Variants in MTMR9 observed in about 807,000 individuals in gnomAD.
The protein encoded by MTMR9 is myotubularin related protein 9.
MTMR9 carries 39 observed loss-of-function variants against 69.5 expected under a neutral mutation model. The ratio of observed to expected loss-of-function variants is 0.56; its 90% CI spans 0.43 to 0.73. MTMR9 has a LOEUF of 0.73. Among genes scored for constraint, MTMR9 ranks in the 30% least tolerant of loss-of-function variants. The probability of loss-of-function intolerance (pLI) is 0.00; values close to 1 mark genes in which losing one functional copy is unlikely to be tolerated. For missense variants in MTMR9, 900 were observed against 671.2 expected (o/e 1.34, Z -3.77); for synonymous variants, 354 against 240.8 (o/e 1.47, Z -4.35).
At chr8:11,329,463 G>A (rs944154207), downstream of MTMR9, among the ~76,000 whole-genome samples, 8 of 152,212 alleles carry the variant, frequency 5.3e-5, no homozygotes, top group South Asian at 2.1e-4. Flanking sequence ...GCAGGCTCGC[G>A]CCGCCACGCC....
chr8:11,296,533 C>T (rs1314434139), intron 2 of MTMR9, among the ~76,000 whole-genome samples: 1 of 152,166 alleles, frequency 6.6e-6, no homozygotes, highest in Non-Finnish European at 1.5e-5. Flanking sequence ...TAAACAACAC[C>T]CCATTTTCCC....
At chr8:11,292,225 A>G (rs1367804099) in intron 1 of MTMR9, among the ~76,000 whole-genome samples, 1 of 152,178 alleles carries the variant, frequency 6.6e-6, no homozygotes, top group Non-Finnish European at 1.5e-5. Context: ...TAGTTCATTT[A>G]TTCACCTGGT....
In MTMR9 at chr8:11,323,555, A is replaced by G. The variant is rs1800787756; in HGVS notation, c.*767A>G. On this transcript the variant is annotated 3_prime_UTR_variant, in exon 10 of 10. Transcript: ENST00000221086. Reference sequence around the variant, plus strand: ...GTGAATTGGTTTTCAGGTTTTGAGCATACATATACAATGTGTTTCAAATGC... The same window carrying G: ...GTGAATTGGTTTTCAGGTTTTGAGCGTACATATACAATGTGTTTCAAATGC... The G allele has an allele frequency of 6.6e-6, 1 of 152,258 alleles. No individual in the cohort carries two copies. The allele number at this position is 152,258 out of a possible 1,614,324, so 9.4% of individuals were successfully genotyped here.
rs745974587 is a variant in MTMR9, at chr8:11,284,874, C to A, written c.-15C>A. Reference sequence around the variant, plus strand: ...CCTACCGGGCTCGGTTCCCTGGCTCCGGCCGCGGGGGAGCATGGAGTTTGC... The same window carrying A: ...CCTACCGGGCTCGGTTCCCTGGCTCAGGCCGCGGGGGAGCATGGAGTTTGC... On this transcript the variant is annotated 5_prime_UTR_variant, in exon 1 of 10. Transcript: ENST00000221086. 2 of 1,520,758 alleles carry A rather than the reference C, an allele frequency of 1.3e-6. No homozygotes were observed. 94.2% of individuals were successfully genotyped at this position (1,520,758 alleles called of 1,614,324 possible).
intron 5 of MTMR9, among the ~76,000 whole-genome samples, chr8:11,308,761 C>T (rs781643683): frequency 1.3e-5 from 2 of 152,150 alleles, no homozygotes; most frequent in Admixed American, 6.5e-5. Flanking sequence ...AAAGAACCTT[C>T]AGCTAAAGGT....
intron 6 of MTMR9, among the ~76,000 whole-genome samples, chr8:11,313,693 G>T (rs1473230754): frequency 6.6e-6 from 1 of 152,184 alleles, no homozygotes; most frequent in East Asian, 1.9e-4. Context: ...CTGGTTAGTG[G>T]AGCAGTGAGA....
intron 1 of MTMR9, among the ~76,000 whole-genome samples, chr8:11,286,084 C>T (rs2117338079): frequency 1.3e-5 from 2 of 151,204 alleles, no homozygotes; most frequent in Middle Eastern, 6.8e-3. Context: ...TCCCGAGTAG[C>T]TGGGATTACA....
At position 11,324,769 on chromosome 8, in the gene MTMR9, A is replaced by T. The variant is rs1443556654; in HGVS notation, c.*1981A>T. On this transcript the variant is annotated 3_prime_UTR_variant, in exon 10 of 10. Coordinates refer to ENST00000221086, the MANE Select transcript of MTMR9 (RefSeq NM_015458.4). ...CCACTAGGAAAGCTGAGGCAGAAGG[A>T]TCCCTTGAGCCTAGGAGGTTGAGGC... is the stretch of plus-strand genomic sequence containing the variant. 6.6e-6 allele frequency: 1 copy of T among 152,306 alleles called. No individual in the cohort carries two copies. Among genetic ancestry groups the T allele is most frequent in the Non-Finnish European group, 1.5e-5 (1 of 68,148 alleles). 9.4% of individuals were successfully genotyped at this position (152,306 alleles called of 1,614,324 possible).
At chr8:11,306,535 GC>G in intron 5 of MTMR9, 128 bp downstream of exon 5, 1 of 786,366 alleles carries the variant, frequency 1.3e-6, no homozygotes, top group South Asian at 1.8e-5. Flanking sequence ...TGATGGGCTA[GC>G]CATCTTCTCA....
intron 6 of MTMR9, among the ~76,000 whole-genome samples, chr8:11,312,016 C>T (rs757732680): frequency 6.6e-6 from 1 of 151,918 alleles, no homozygotes; most frequent in East Asian, 1.9e-4. Context: ...CATGAAATTG[C>T]AGCAATTCAG....
chr8:11,330,183 C>T (rs550316793), downstream of MTMR9, among the ~76,000 whole-genome samples: 492 of 151,088 alleles, frequency 3.3e-3, no homozygotes, highest in African/African-American at 0.011. Context: ...CCAGCCGCCC[C>T]GTCCGGGAGG....
At chr8:11,288,262 A>G (rs533907967) in intron 1 of MTMR9, among the ~76,000 whole-genome samples, 3 of 138,382 alleles carry the variant, frequency 2.2e-5, no homozygotes, top group African/African-American at 8.1e-5. Flanking sequence ...TATAATAATT[A>G]TATATTATAA....
the MTMR9 span, among the ~76,000 whole-genome samples, chr8:11,338,212 C>T: frequency 4.6e-5 from 7 of 152,154 alleles, 1 homozygote; most frequent in East Asian, 5.8e-4. Flanking sequence ...AGAACTTCCT[C>T]GGCAGAGTAT....
At chr8:11,295,625 C>G (rs141458813) in intron 2 of MTMR9, among the ~76,000 whole-genome samples, 11 of 152,218 alleles carry the variant, frequency 7.2e-5, no homozygotes, top group Non-Finnish European at 1.5e-4. Flanking sequence ...TGTATGAGTT[C>G]TTATTTGGGG....
At position 11,289,886 on chromosome 8, in the gene MTMR9, G is replaced by C. The variant is rs148744815; in HGVS notation, c.182+4816G>C. 6.2e-3 allele frequency among the ~76,000 whole-genome samples: 945 copies of C among 152,288 alleles called. 7 individuals are homozygous for C. Among genetic ancestry groups the C allele is most frequent in the African/African-American group, 0.022 (898 of 41,550 alleles). On this transcript the variant is annotated intron_variant, in intron 1 of 9. Coordinates refer to ENST00000221086, the MANE Select transcript of MTMR9 (RefSeq NM_015458.4). ...AAGAGCTTCCTTAACAGACCTTTTA[G>C]GTAACTTCCAACTCCCTGCTATCAC...
chr8:11,329,528 C>A (rs1801109683), downstream of MTMR9, among the ~76,000 whole-genome samples: 1 of 152,254 alleles, frequency 6.6e-6, no homozygotes, highest in African/African-American at 2.4e-5. Context: ...GTTGGCCGGG[C>A]TGGTATCCAG....
intron 5 of MTMR9, among the ~76,000 whole-genome samples, chr8:11,309,201 C>T (rs558888684): frequency 1.3e-5 from 2 of 152,124 alleles, no homozygotes; most frequent in African/African-American, 4.8e-5. Flanking sequence ...AACAGGATTG[C>T]AAATGTAAGT....
chr8:11,298,106 TGAA>T (rs1214530815), intron 2 of MTMR9, among the ~76,000 whole-genome samples: 5 of 152,174 alleles, frequency 3.3e-5, no homozygotes, highest in South Asian at 2.1e-4. Context: ...AATAAGTTAG[TGAA>T]GCTTTTTTTC....
At chr8:11,305,527 G>A (rs1799906898) in intron 4 of MTMR9, among the ~76,000 whole-genome samples, 2 of 152,152 alleles carry the variant, frequency 1.3e-5, no homozygotes, top group South Asian at 4.1e-4. Context: ...CGTCTTGAAA[G>A]AACTCTAAAC....
Sources: allele counts gnomAD v4.1 joint callset (sites outside exome capture counted in the v4.1 genomes callset), GRCh38; gene constraint gnomAD v4.1.1; transcripts MANE v1.5; gene names NCBI Gene and HGNC (gene_info 2026-07-23, HGNC 2026-07-21).